Variants in DCC observed in about 807,000 individuals in gnomAD.
The protein encoded by DCC is netrin receptor DCC.
Under a neutral mutation model 172.5 loss-of-function variants are expected in DCC, and 58 were observed. The ratio of observed to expected loss-of-function variants is 0.34; its 90% CI spans 0.27 to 0.42. The LOEUF (loss-of-function observed/expected upper bound fraction) is 0.42. Ranked by LOEUF, DCC falls within the 10% of genes least tolerant of loss-of-function variation. The pLI, the probability that DCC is intolerant of heterozygous loss-of-function variation, is 1.00. For synonymous variants in DCC, 709 were observed against 644.5 expected (o/e 1.10, Z -1.52); for missense variants, 1,740 against 1,791.0 (o/e 0.97, Z 0.51).
chr18:53,247,444 C>A (rs969746931), intron 12 of DCC, among the ~76,000 whole-genome samples: 2 of 151,966 alleles, frequency 1.3e-5, no homozygotes, highest in Non-Finnish European at 2.9e-5. Context: ...ATTATTTTTA[C>A]AAACCGACAT....
At chr18:53,351,339 A>G (rs1195440682) in intron 15 of DCC, among the ~76,000 whole-genome samples, 3,106 of 63,810 alleles carry the variant, frequency 0.049, 207 homozygotes, top group Non-Finnish European at 0.09. Flanking sequence ...TATACAGTGT[A>G]TATATATATA....
intron 2 of DCC, among the ~76,000 whole-genome samples, chr18:52,847,200 TTTC>T (rs1210416064): frequency 6.6e-5 from 10 of 152,250 alleles, no homozygotes; most frequent in African/African-American, 1.9e-4. Context: ...ACTTAGCCAT[TTTC>T]TTCTTGTATT....
At chr18:52,388,283 A>G (rs1985896360) in intron 1 of DCC, among the ~76,000 whole-genome samples, 1 of 151,800 alleles carries the variant, frequency 6.6e-6, no homozygotes. Flanking sequence ...AGGATTTCTA[A>G]TGTCTTTCCA....
intron 2 of DCC, among the ~76,000 whole-genome samples, chr18:52,890,675 T>C (rs967574037): frequency 2.0e-5 from 3 of 152,124 alleles, no homozygotes; most frequent in African/African-American, 7.2e-5. Context: ...TAAGACTCAG[T>C]TCCATAGCAA....
intron 1 of DCC, among the ~76,000 whole-genome samples, chr18:52,623,697 G>A (rs1004533833): frequency 6.6e-6 from 1 of 151,754 alleles, no homozygotes; most frequent in African/African-American, 2.4e-5. Context: ...AATACCTTGT[G>A]TAGCATTTTC....
chr18:52,710,112 GAT>G (rs2036271304), intron 1 of DCC, among the ~76,000 whole-genome samples: 1 of 152,336 alleles, frequency 6.6e-6, no homozygotes, highest in African/African-American at 2.4e-5. Context: ...CATCATTAGA[GAT>G]ATGTGTAAGG....
At chr18:53,276,902 A>G (rs944874991) in intron 12 of DCC, among the ~76,000 whole-genome samples, 23 of 152,132 alleles carry the variant, frequency 1.5e-4, no homozygotes, top group African/African-American at 3.4e-4. Flanking sequence ...GTCACAGGGT[A>G]CCCATTGATG....
chr18:52,534,559 T>C (rs2032237176), intron 1 of DCC, among the ~76,000 whole-genome samples: 1 of 152,170 alleles, frequency 6.6e-6, no homozygotes, highest in African/African-American at 2.4e-5. Flanking sequence ...CGCAAATATT[T>C]ACTGAGAGTC....
intron 1 of DCC, among the ~76,000 whole-genome samples, chr18:52,417,280 C>T (rs565257259): frequency 1.3e-5 from 2 of 152,284 alleles, no homozygotes; most frequent in South Asian, 4.2e-4. Flanking sequence ...GGTAACCCGA[C>T]CTTTCTCTCT....
chr18:53,148,107 A>G (rs1024194967), intron 7 of DCC, among the ~76,000 whole-genome samples: 2 of 152,234 alleles, frequency 1.3e-5, no homozygotes, highest in African/African-American at 4.8e-5. Context: ...CCTTAACAAC[A>G]CAACTTGTCA....
At chr18:53,457,054 A>G (rs2045491823) in intron 23 of DCC, among the ~76,000 whole-genome samples, 1 of 152,348 alleles carries the variant, frequency 6.6e-6, no homozygotes, top group Non-Finnish European at 1.5e-5. Flanking sequence ...AATAAATACA[A>G]AAAGGAAATA....
intron 2 of DCC, among the ~76,000 whole-genome samples, chr18:52,874,133 T>C (rs192535910): frequency 2.3e-4 from 35 of 152,252 alleles, no homozygotes; most frequent in Admixed American, 2.1e-3. Context: ...ATTAAAACAC[T>C]TACCCTAAAC....
chr18:52,609,490 G>T (rs1458561725), intron 1 of DCC, among the ~76,000 whole-genome samples: 4 of 152,030 alleles, frequency 2.6e-5, no homozygotes, highest in Admixed American at 1.3e-4. Flanking sequence ...GTTGGATTGG[G>T]TCTGGGGCAG....
At chr18:53,400,618 A>G (rs1220553963) in intron 18 of DCC, among the ~76,000 whole-genome samples, 1 of 152,154 alleles carries the variant, frequency 6.6e-6, no homozygotes, top group African/African-American at 2.4e-5. Context: ...ATTAAGGAAC[A>G]GTGTGCAGTT....
chr18:52,987,740 G>A (rs1224630920), intron 5 of DCC, among the ~76,000 whole-genome samples: 1 of 152,130 alleles, frequency 6.6e-6, no homozygotes, highest in African/African-American at 2.4e-5. Context: ...GAAACTTAGA[G>A]CAATGGTCAT....
chr18:52,902,848 C>T (rs1040505828), intron 2 of DCC, among the ~76,000 whole-genome samples: 9 of 152,138 alleles, frequency 5.9e-5, no homozygotes, highest in African/African-American at 2.2e-4. Flanking sequence ...AAAGACTATG[C>T]ATCATGTTTA....
At chr18:53,088,478 G>C (rs1011424837) in intron 7 of DCC, among the ~76,000 whole-genome samples, 7 of 152,124 alleles carry the variant, frequency 4.6e-5, no homozygotes, top group Non-Finnish European at 1.0e-4. Flanking sequence ...TGCTGAAGTT[G>C]CTTATCAGCT....
chr18:53,200,892 T>C (rs538091226), intron 9 of DCC, among the ~76,000 whole-genome samples: 1 of 152,252 alleles, frequency 6.6e-6, no homozygotes, highest in East Asian at 1.9e-4. Flanking sequence ...GCAGCTTCTC[T>C]TCCGTGCCAC....
At chr18:52,482,830 T>G (rs1007183585) in intron 1 of DCC, among the ~76,000 whole-genome samples, 3 of 152,174 alleles carry the variant, frequency 2.0e-5, no homozygotes, top group Admixed American at 1.3e-4. Flanking sequence ...ATCCTAATGA[T>G]TCTCTTTACC....
Sources: gnomAD v4.1 joint callset for allele counts (sites outside exome capture counted in the v4.1 genomes callset) on GRCh38, gnomAD v4.1.1 for gene constraint, MANE v1.5 for transcripts, NCBI Gene and HGNC (gene_info 2026-07-23, HGNC 2026-07-21) for gene names.